PDZRN4: variants seen among roughly 807,000 people sequenced by gnomAD.
The protein encoded by PDZRN4 is PDZ domain containing ring finger 4, also known as PDZ domain-containing RING finger protein 4.
Under a neutral mutation model 99.0 loss-of-function variants are expected in PDZRN4, and 70 were observed. That is an observed-to-expected ratio of 0.71 (90% confidence interval 0.58 to 0.86). PDZRN4 has a LOEUF of 0.86. PDZRN4 is among the 40% of genes least tolerant of loss of function. The pLI is 0.00. For missense variants in PDZRN4, 1,474 were observed against 1,331.2 expected (o/e 1.11, Z -1.67); for synonymous variants, 551 against 501.6 (o/e 1.10, Z -1.32).
intron 3 of PDZRN4, among the ~76,000 whole-genome samples, chr12:41,493,092 T>G (rs1446532479): frequency 6.6e-6 from 1 of 152,208 alleles, no homozygotes; most frequent in Non-Finnish European, 1.5e-5. Context: ...GCCCGATGAT[T>G]CTTCTAGTAC....
chr12:41,258,966 G>A (rs73120937), intron 3 of PDZRN4, among the ~76,000 whole-genome samples: 3,948 of 152,000 alleles, frequency 0.026, 184 homozygotes, highest in African/African-American at 0.091. Context: ...AGTAGTACAT[G>A]GCGGGGGGGC....
chr12:41,257,786 G>A (rs1221223753), intron 3 of PDZRN4, among the ~76,000 whole-genome samples: 1 of 152,158 alleles, frequency 6.6e-6, no homozygotes, highest in Non-Finnish European at 1.5e-5. Context: ...GAAATTGACT[G>A]TGATTTATTT....
intron 3 of PDZRN4, among the ~76,000 whole-genome samples, chr12:41,283,717 A>G (rs562257724): frequency 6.6e-6 from 1 of 152,338 alleles, no homozygotes; most frequent in South Asian, 2.1e-4. Context: ...ATGCAAATCA[A>G]TAAATGTAAT....
intron 3 of PDZRN4, among the ~76,000 whole-genome samples, chr12:41,308,597 G>A (rs1219115239): frequency 6.6e-6 from 1 of 152,102 alleles, no homozygotes; most frequent in Non-Finnish European, 1.5e-5. Context: ...ATCTCATATT[G>A]TCAACTTGAT....
intron 3 of PDZRN4, among the ~76,000 whole-genome samples, chr12:41,332,016 G>C (rs769978514): frequency 6.6e-6 from 1 of 152,142 alleles, no homozygotes; most frequent in Non-Finnish European, 1.5e-5. Flanking sequence ...GGAAACGAGA[G>C]AGGATAATAC....
In PDZRN4 at chr12:41,573,698, G is replaced by A. The variant is rs1167909532; in HGVS notation, c.2919G>A (p.Glu973=). The change falls in exon 10 of 10, where the codon GAG becomes GAA. Residue 973 remains glutamate, a synonymous_variant. Coordinates refer to ENST00000402685, the MANE Select transcript of PDZRN4 (RefSeq NM_001164595.2). ...MMRSRLECLK[E]SPQSGSEGKK... ...GAAGCAGGTTAGAGTGTCTCAAGGAGAGCCCTCAGAGCGGCAGTGAGGGCA... is the reference window on the plus strand; with the variant it reads ...GAAGCAGGTTAGAGTGTCTCAAGGAAAGCCCTCAGAGCGGCAGTGAGGGCA... 6.2e-7 allele frequency: 1 copy of A among 1,613,936 alleles called. No homozygotes were observed.
Position 41,522,863 on chromosome 12 carries a change from G to A in PDZRN4, c.1203+12950G>A, listed in dbSNP as rs551821209. On this transcript the variant is annotated intron_variant, in intron 5 of 9. Transcript: ENST00000402685. ...GACTTTCTATTCCCCAAATTATTTT[G>A]CTCATATTCCAACTATATGAAATAA... Among the ~76,000 whole-genome samples, 7 of 152,138 alleles carry A rather than the reference G, an allele frequency of 4.6e-5. 1 individual carries two copies. The highest frequency in any genetic ancestry group is 3.4e-3 in the Middle Eastern group (1 of 294).
At chr12:41,201,954 A>G (rs1356714911) in intron 3 of PDZRN4, among the ~76,000 whole-genome samples, 2 of 152,164 alleles carry the variant, frequency 1.3e-5, no homozygotes, top group Non-Finnish European at 2.9e-5. Flanking sequence ...ACCCTCCTAC[A>G]GAAGGTTAGT....
intron 3 of PDZRN4, among the ~76,000 whole-genome samples, chr12:41,463,696 C>T (rs761909872): frequency 2.0e-5 from 3 of 152,078 alleles, no homozygotes; most frequent in Non-Finnish European, 2.9e-5. Context: ...TAGAAAGGTG[C>T]CCTGTGATAC....
At chr12:41,437,248 C>A (rs918450544) in intron 3 of PDZRN4, among the ~76,000 whole-genome samples, 1 of 152,200 alleles carries the variant, frequency 6.6e-6, no homozygotes, top group East Asian at 1.9e-4. Context: ...ATGTCACCCC[C>A]CCAAATTTCC....
At chr12:41,303,517 G>A (rs1448695922) in intron 3 of PDZRN4, among the ~76,000 whole-genome samples, 3 of 152,140 alleles carry the variant, frequency 2.0e-5, no homozygotes, top group African/African-American at 4.8e-5. Context: ...TGAAGAACTC[G>A]CCTCTTTCCT....
At chr12:41,375,464 A>G (rs184457520) in intron 3 of PDZRN4, among the ~76,000 whole-genome samples, 3 of 152,304 alleles carry the variant, frequency 2.0e-5, no homozygotes, top group East Asian at 3.9e-4. Context: ...CCAAAGCACT[A>G]TTCTCAATGA....
intron 3 of PDZRN4, among the ~76,000 whole-genome samples, chr12:41,454,384 G>A (rs1870285): frequency 0.52 from 78,698 of 152,102 alleles, 20,911 homozygotes; most frequent in African/African-American, 0.65. Flanking sequence ...GTGTGGACTT[G>A]TTTCTTAGGA....
intron 3 of PDZRN4, among the ~76,000 whole-genome samples, chr12:41,455,148 C>T (rs1174461488): frequency 6.6e-6 from 1 of 152,146 alleles, no homozygotes; most frequent in East Asian, 1.9e-4. Context: ...TAAAAATTCT[C>T]TCTATGGATT....
At chr12:41,312,463 T>G (rs998800492) in intron 3 of PDZRN4, among the ~76,000 whole-genome samples, 8 of 152,146 alleles carry the variant, frequency 5.3e-5, no homozygotes, top group Admixed American at 1.3e-4. Context: ...CGTGTGGCCT[T>G]CTGTATTAGT....
At chr12:41,194,551 G>A (rs1431729175) in intron 3 of PDZRN4, among the ~76,000 whole-genome samples, 2 of 152,148 alleles carry the variant, frequency 1.3e-5, no homozygotes, top group South Asian at 2.1e-4. Flanking sequence ...TGAGGTGGGT[G>A]GATCACTCGA....
intron 3 of PDZRN4, among the ~76,000 whole-genome samples, chr12:41,323,779 TACAC>T (rs1220003827): frequency 6.6e-6 from 1 of 152,008 alleles, no homozygotes; most frequent in Non-Finnish European, 1.5e-5. Context: ...TATATGGTAA[TACAC>T]ATTAGTTTTA....
chr12:41,519,600 A>G (rs1056519168), intron 5 of PDZRN4, among the ~76,000 whole-genome samples: 2 of 149,254 alleles, frequency 1.3e-5, no homozygotes, highest in Admixed American at 6.7e-5. Flanking sequence ...TTCTTCAGTG[A>G]TTTTTTTTTT....
At chr12:41,291,634 G>T (rs1166849969) in intron 3 of PDZRN4, among the ~76,000 whole-genome samples, 1 of 152,088 alleles carries the variant, frequency 6.6e-6, no homozygotes, top group Non-Finnish European at 1.5e-5. Context: ...CTATAGACAG[G>T]TAATGTTTAT....
Sources: allele counts gnomAD v4.1 joint callset (sites outside exome capture counted in the v4.1 genomes callset), GRCh38; gene constraint gnomAD v4.1.1; transcripts MANE v1.5; gene names NCBI Gene and HGNC (gene_info 2026-07-23, HGNC 2026-07-21).